The following CASD1 variants were observed in gnomAD, a reference collection of about 807,000 sequenced individuals.
The protein encoded by CASD1 is N-acetylneuraminate (7)9-O-acetyltransferase.
A neutral mutation model predicts 100.0 loss-of-function variants in CASD1; 41 were observed. The ratio of observed to expected loss-of-function variants is 0.41; its 90% CI spans 0.32 to 0.53. The LOEUF is 0.53. Among genes scored for constraint, CASD1 ranks in the 20% least tolerant of loss-of-function variants. The pLI is 0.25. For synonymous variants in CASD1, 321 were observed against 315.6 expected, an observed-to-expected ratio of 1.02 and a Z score of -0.18; for missense variants, 774 against 948.7, an observed-to-expected ratio of 0.82 and a Z score of 2.42.
rs748461272 is a variant in CASD1 at position 94,518,334 on chromosome 7, T to C, written c.351+11T>C. ...GAAGAAGGAAATAAGGTAAAACTTG[T>C]CTATTCCCTTCTGTAGAGTGTTTTA... On this transcript the variant is annotated intron_variant, in intron 3 of 17. Coordinates refer to ENST00000297273, the MANE Select transcript of CASD1 (RefSeq NM_022900.5). The C allele has an allele frequency of 1.3e-6, 2 of 1,561,586 alleles. No homozygotes were observed. The highest frequency in any genetic ancestry group is 2.4e-5 in the South Asian group (2 of 83,946).
At chr7:94,521,419 A>G (rs1038951495) in intron 3 of CASD1, among the ~76,000 whole-genome samples, 13 of 152,252 alleles carry the variant, frequency 8.5e-5, no homozygotes, top group Non-Finnish European at 1.9e-4. Context: ...AGACAGAACT[A>G]AAGAACTGGC....
chr7:94,620,629 T>G, the CASD1 span: 1 of 152,216 alleles, frequency 6.6e-6, no homozygotes, highest in Non-Finnish European at 1.5e-5. Context: ...AAGTCTAAAA[T>G]CTATTCATTT....
At chr7:94,625,007 T>C in the CASD1 span, 1 of 152,036 alleles carries the variant, frequency 6.6e-6, no homozygotes, top group Non-Finnish European at 1.5e-5. Context: ...TTCTATCACT[T>C]CCAATGAGAC....
At chr7:94,561,237 ACT>A (rs1478286955), downstream of CASD1, among the ~76,000 whole-genome samples, 2 of 151,988 alleles carry the variant, frequency 1.3e-5, no homozygotes, top group African/African-American at 2.4e-5. Context: ...CAAGAGCGAA[ACT>A]CTGCCTCAAA....
the CASD1 span, chr7:94,628,907 C>T: frequency 6.4e-6 from 1 of 155,824 alleles, no homozygotes; most frequent in African/African-American, 2.4e-5. Context: ...TTTATTAGCA[C>T]ATCCTGGCCC....
the CASD1 span, among the ~76,000 whole-genome samples, chr7:94,614,387 G>A: frequency 1.3e-5 from 2 of 152,076 alleles, no homozygotes; most frequent in African/African-American, 4.8e-5. Context: ...AAAAATTTTA[G>A]TATCAACCAT....
Position 94,513,491 on chromosome 7 carries a change from G to A in CASD1, c.133+3274G>A, listed in dbSNP as rs1011138297. 7.0e-4 allele frequency among the ~76,000 whole-genome samples: 106 copies of A among 151,968 alleles called. 1 individual carries two copies. Among genetic ancestry groups the A allele is most frequent in the African/African-American group, 2.5e-3 (104 of 41,386 alleles). On this transcript the variant is annotated intron_variant, in intron 1 of 17. Coordinates refer to ENST00000297273, the MANE Select transcript of CASD1 (RefSeq NM_022900.5). ...CTAAACGTGCTTTGCCCGTTTATAC[G>A]TCTCACAGTTATTTGATTTTCTCTG...
At chr7:94,519,026 A>C (rs1238643812) in intron 3 of CASD1, among the ~76,000 whole-genome samples, 1 of 152,168 alleles carries the variant, frequency 6.6e-6, no homozygotes, top group Non-Finnish European at 1.5e-5. Flanking sequence ...TTCAATTTAT[A>C]CTAATTAGCA....
chr7:94,619,119 TA>T, the CASD1 span: 1 of 632,458 alleles, frequency 1.6e-6, no homozygotes, highest in South Asian at 1.8e-5. Context: ...AGGATGTATC[TA>T]AAAACATAAC....
At chr7:94,519,412 T>A (rs1199401826) in intron 3 of CASD1, among the ~76,000 whole-genome samples, 1 of 152,188 alleles carries the variant, frequency 6.6e-6, no homozygotes, top group Non-Finnish European at 1.5e-5. Flanking sequence ...GTTAAAGAGT[T>A]GAAAACTTAA....
chr7:94,549,119 A>G (rs1028907246), intron 13 of CASD1, among the ~76,000 whole-genome samples: 1 of 151,990 alleles, frequency 6.6e-6, no homozygotes, highest in Admixed American at 6.6e-5. Flanking sequence ...TACTGATACC[A>G]TACTGGCTGA....
At position 94,555,924 on chromosome 7, in the gene CASD1, A is replaced by T; in HGVS notation, c.*166A>T. 7.7e-6 allele frequency: 5 copies of T among 651,952 alleles called. No individual in the cohort carries two copies. Among genetic ancestry groups the T allele is most frequent in the Non-Finnish European group, 1.3e-5 (5 of 392,232 alleles). 40.4% of individuals were successfully genotyped at this position (651,952 alleles called of 1,614,324 possible). Reference sequence around the variant, plus strand: ...AACATATGTGGTTGTATATATTGGAAATGTACATATCCAATATGAAATACT... The same window carrying T: ...AACATATGTGGTTGTATATATTGGATATGTACATATCCAATATGAAATACT... On this transcript the variant is annotated 3_prime_UTR_variant, in exon 18 of 18. Coordinates refer to ENST00000297273, the MANE Select transcript of CASD1 (RefSeq NM_022900.5).
At chr7:94,548,717 A>T (rs1795802155) in intron 13 of CASD1, among the ~76,000 whole-genome samples, 1 of 151,928 alleles carries the variant, frequency 6.6e-6, no homozygotes, top group Non-Finnish European at 1.5e-5. Context: ...CTCTTTAAAA[A>T]TCACGATGTT....
chr7:94,585,478 G>A, the CASD1 span: 4 of 1,602,824 alleles, frequency 2.5e-6, no homozygotes, highest in Non-Finnish European at 3.4e-6. Context: ...TAAATTCATT[G>A]CTTCAGTCAG....
chr7:94,535,323 G>A lies in CASD1; in HGVS notation c.643G>A (p.Asp215Asn), dbSNP rs1283854488. Residue 215 changes from aspartate to asparagine, a missense_variant, in exon 8 of 18, where the codon GAT (aspartate) becomes AAT (asparagine). Physicochemically the swap from Asp to Asn is conservative, Grantham distance 23. Coordinates refer to ENST00000297273, the MANE Select transcript of CASD1 (RefSeq NM_022900.5). ...YWVLQDPVYE[D>N]LLSENRKMIT... Reference sequence around the variant, plus strand: ...CTCACGTGCAGATCCTGTTTATGAAGATCTATTAAGTGAAAATAGGAAGAT... The same window carrying A: ...CTCACGTGCAGATCCTGTTTATGAAAATCTATTAAGTGAAAATAGGAAGAT... 6.2e-7 allele frequency: 1 copy of A among 1,611,578 alleles called. No individual in the cohort carries two copies. The highest frequency in any genetic ancestry group is 1.1e-5 in the South Asian group (1 of 90,952).
At chr7:94,604,853 A>ATG in the CASD1 span, among the ~76,000 whole-genome samples, 1 of 97,942 alleles carries the variant, frequency 1.0e-5, no homozygotes, top group Non-Finnish European at 2.0e-5. Context: ...ATATATATAT[A>ATG]TATATAATAG....
the CASD1 span, among the ~76,000 whole-genome samples, chr7:94,563,601 G>A: frequency 1.6e-5 from 2 of 126,664 alleles, no homozygotes; most frequent in Non-Finnish European, 3.7e-5. Flanking sequence ...TGTTTTGACT[G>A]TTATTTCTTA....
At chr7:94,519,053 A>G (rs1794118733) in intron 3 of CASD1, among the ~76,000 whole-genome samples, 1 of 152,148 alleles carries the variant, frequency 6.6e-6, no homozygotes, top group African/African-American at 2.4e-5. Context: ...TTTGGGGCCT[A>G]ATTTTCTGCA....
Position 94,555,864 on chromosome 7 carries a change from T to A in CASD1, c.*106T>A. On this transcript the variant is annotated 3_prime_UTR_variant, in exon 18 of 18. Transcript: ENST00000297273. ...ATAAATGTGTATGTAAATATAAACG[T>A]TTGTGGCAAGAGGACAGTTCTGTGA... The A allele has an allele frequency of 8.3e-7, 1 of 1,202,744 alleles. No individual in the cohort carries two copies. Among genetic ancestry groups the A allele is most frequent in the Non-Finnish European group, 1.2e-6 (1 of 866,530 alleles). The allele number at this position is 1,202,744 out of a possible 1,614,324, so 74.5% of individuals were successfully genotyped here. A position where few individuals can be genotyped will look rare whatever the true frequency, so the allele number is the denominator to read the frequency against.
Sources: allele counts gnomAD v4.1 joint callset (sites outside exome capture counted in the v4.1 genomes callset), GRCh38; gene constraint gnomAD v4.1.1; transcripts MANE v1.5; gene names NCBI Gene and HGNC (gene_info 2026-07-23, HGNC 2026-07-21).